TLE6: variants seen among roughly 807,000 people sequenced by gnomAD.
TLE6 encodes the protein TLE family member 6, subcortical maternal complex member.
In TLE6, 72 loss-of-function variants were observed where a neutral mutation model predicts 77.1. The ratio of observed to expected loss-of-function variants is 0.93; its 90% CI spans 0.77 to 1.14. The LOEUF (loss-of-function observed/expected upper bound fraction) is 1.14. TLE6 is among the 50% of genes most tolerant of loss of function. The pLI is 0.00. For synonymous variants in TLE6, 366 were observed against 287.3 expected (o/e 1.27, Z -2.77); for missense variants, 843 against 747.6 (o/e 1.13, Z -1.49).
chr19:2,987,353 C>T lies in TLE6; in HGVS notation c.542-3C>T. On this transcript the variant is annotated splice_polypyrimidine_tract_variant and splice_region_variant and intron_variant, in intron 7 of 16. Transcript: ENST00000246112. ...CTCCTCCTCTCCGTTGTCATGGTGA[C>T]AGAGCAGGCACCAGGCCTGGTGAGT... 4 of 1,614,114 alleles carry T rather than the reference C, an allele frequency of 2.5e-6. No individual in the cohort carries two copies. The highest frequency in any genetic ancestry group is 3.4e-6 in the Non-Finnish European group (4 of 1,180,034).
At chr19:2,985,371 C>G (rs2088884731) in intron 5 of TLE6, among the ~76,000 whole-genome samples, 1 of 146,990 alleles carries the variant, frequency 6.8e-6, no homozygotes, top group East Asian at 2.0e-4. Flanking sequence ...CTAGGGAGAC[C>G]TAGGTATGCT....
At chr19:2,991,071 A>G (rs2089044269) in intron 13 of TLE6, among the ~76,000 whole-genome samples, 1 of 149,572 alleles carries the variant, frequency 6.7e-6, no homozygotes, top group African/African-American at 2.5e-5. Flanking sequence ...CATATTAAAT[A>G]TATGTAAATA....
In TLE6 at chr19:2,987,258, A is replaced by AGG; in HGVS notation, c.541+24_541+25dup. 1 of 1,613,998 alleles carries AGG rather than the reference A, an allele frequency of 6.2e-7. No individual in the cohort carries two copies. Among genetic ancestry groups the AGG allele is most frequent in the Admixed American group, 1.7e-5 (1 of 60,014 alleles). ...ACAGACGTGAGTGTCCCTGAGGGTG[A>AGG]GGGGGAAGGGGCAGCCACAGGCTGC... On this transcript the variant is annotated intron_variant, in intron 7 of 16. Coordinates refer to ENST00000246112, the MANE Select transcript of TLE6 (RefSeq NM_001143986.2).
intron 14 of TLE6, 47 bp from the exon 15 acceptor site, chr19:2,993,385 G>C: frequency 1.3e-6 from 2 of 1,559,356 alleles, no homozygotes; most frequent in Non-Finnish European, 1.7e-6. Context: ...TCCTGGGCCA[G>C]GCTGGGACCT....
chr19:2,994,862 G>A (rs1454179306), intron 16 of TLE6, 38 bp from the exon 17 acceptor site: 1 of 1,291,320 alleles, frequency 7.7e-7, no homozygotes, highest in Non-Finnish European at 1.1e-6. Context: ...GGGTGTGTGA[G>A]CCCTACCCCA....
At chr19:2,986,737 C>A in intron 5 of TLE6, 92 bp from the exon 6 acceptor site, 4 of 1,274,944 alleles carry the variant, frequency 3.1e-6, no homozygotes, top group Non-Finnish European at 4.4e-6. Flanking sequence ...GATTGATATA[C>A]CTTCTTCTAC....
rs148569064 is a variant in TLE6, at chr19:2,989,835, G to A, written c.1244+50G>A. On this transcript the variant is annotated intron_variant, in intron 13 of 16. Transcript: ENST00000246112. ...AAGCATCCTGTGCCAGCCTCCTGTG[G>A]CCACCTCTGCCCACCTTACTGCTAC... 5.6e-5 allele frequency: 89 copies of A among 1,599,268 alleles called. 1 individual carries two copies. In the African/African-American group the frequency reaches 8.0e-4, roughly 14 times the overall value.
At position 2,995,059 on chromosome 19, in the gene TLE6, C is replaced by CCG. The variant is rs972650169; in HGVS notation, c.*56_*57insGC. On this transcript the variant is annotated 3_prime_UTR_variant, in exon 17 of 17. Transcript: ENST00000246112. Reference sequence around the variant, plus strand: ...CTCCTCTTTTCATCCCCCCCCTTCCCCCCCCCCAACAAGGGGGACATGGTG... The same window carrying CCG: ...CTCCTCTTTTCATCCCCCCCCTTCCCCGCCCCCCCAACAAGGGGGACATGGTG... The CCG allele has an allele frequency of 9.4e-5, 96 of 1,024,560 alleles. No individual in the cohort carries two copies. In the Admixed American group the frequency reaches 1.9e-3, roughly 20 times the overall value. 63.5% of individuals were successfully genotyped at this position (1,024,560 alleles called of 1,614,324 possible). A position where few individuals can be genotyped will look rare whatever the true frequency, so the allele number is the denominator to read the frequency against.
chr19:2,983,347 A>C (rs1007327403), intron 5 of TLE6, among the ~76,000 whole-genome samples: 1 of 152,044 alleles, frequency 6.6e-6, no homozygotes. Flanking sequence ...AGGGCTGGGC[A>C]AGGCGGGGGA....
chr19:2,980,954 G>C (rs1004561526), intron 3 of TLE6, among the ~76,000 whole-genome samples: 6 of 151,976 alleles, frequency 3.9e-5, no homozygotes, highest in Admixed American at 3.9e-4. Context: ...AGGAGACTGA[G>C]GCAGGAGGAT....
intron 5 of TLE6, among the ~76,000 whole-genome samples, chr19:2,985,399 CT>C (rs1158204473): frequency 0.077 from 6,950 of 89,704 alleles, 97 homozygotes; most frequent in African/African-American, 0.1. Context: ...TGCTTGAAGC[CT>C]TTTTTTTTTT....
Position 2,995,102 on chromosome 19 carries a change from T to G in TLE6, c.*98T>G. ...ACATGGTGGAGGGAAGCGGGAAGGC[T>G]CTTCTGTGGCATCGCACGATCTAGT... is the stretch of plus-strand genomic sequence containing the variant. On this transcript the variant is annotated 3_prime_UTR_variant, in exon 17 of 17. Transcript: ENST00000246112. 1 of 773,504 alleles carries G rather than the reference T, an allele frequency of 1.3e-6. No homozygotes were observed. The highest frequency in any genetic ancestry group is 2.1e-6 in the Non-Finnish European group (1 of 475,466). The allele number at this position is 773,504 out of a possible 1,614,324, so 47.9% of individuals were successfully genotyped here.
intron 14 of TLE6, among the ~76,000 whole-genome samples, chr19:2,992,289 A>G (rs1208002173): frequency 4.6e-5 from 7 of 151,848 alleles, no homozygotes; most frequent in African/African-American, 1.7e-4. Flanking sequence ...CCTGACCAAC[A>G]TGGTGAAACC....
At chr19:2,994,429 T>A (rs1357089833) in intron 16 of TLE6, among the ~76,000 whole-genome samples, 1 of 151,944 alleles carries the variant, frequency 6.6e-6, no homozygotes, top group Non-Finnish European at 1.5e-5. Context: ...GCTAACACGG[T>A]GAATCCCTGT....
At chr19:2,994,603 C>A (rs1257464901) in intron 16 of TLE6, among the ~76,000 whole-genome samples, 3 of 119,002 alleles carry the variant, frequency 2.5e-5, no homozygotes, top group African/African-American at 8.0e-5. Flanking sequence ...GAGACTCCAT[C>A]TAAAAAAATA....
In TLE6 at chr19:2,995,028, C is replaced by T; in HGVS notation, c.*24C>T. ...GAGGGGCCTCGCTGCTGTCATCCCA[C>T]TCCGGCTCCTCTTTTCATCCCCCCC... On this transcript the variant is annotated 3_prime_UTR_variant, in exon 17 of 17. Coordinates refer to ENST00000246112, the MANE Select transcript of TLE6 (RefSeq NM_001143986.2). The T allele has an allele frequency of 6.9e-7, 1 of 1,444,328 alleles. No individual in the cohort carries two copies. Among genetic ancestry groups the T allele is most frequent in the Non-Finnish European group, 9.5e-7 (1 of 1,054,692 alleles). The allele number at this position is 1,444,328 out of a possible 1,614,324, so 89.5% of individuals were successfully genotyped here. A position where few individuals can be genotyped will look rare whatever the true frequency, so the allele number is the denominator to read the frequency against.
intron 5 of TLE6, among the ~76,000 whole-genome samples, chr19:2,985,040 C>T (rs1476290723): frequency 6.6e-6 from 1 of 151,530 alleles, no homozygotes; most frequent in Non-Finnish European, 1.5e-5. Context: ...CACCTGACGT[C>T]AGGAGTTCGA....
chr19:2,990,512 G>C (rs112859895), intron 13 of TLE6, among the ~76,000 whole-genome samples: 3 of 150,720 alleles, frequency 2.0e-5, no homozygotes, highest in Admixed American at 6.6e-5. Context: ...GCTGAGGCAG[G>C]AGAATCCCTT....
chr19:2,988,367 C>T (rs1280742039), intron 11 of TLE6, among the ~76,000 whole-genome samples: 3 of 152,004 alleles, frequency 2.0e-5, no homozygotes, highest in African/African-American at 7.2e-5. Context: ...GAGGCCGAGG[C>T]GGGCAGATCA....
Sources: gnomAD v4.1 joint callset for allele counts (sites outside exome capture counted in the v4.1 genomes callset) on GRCh38, gnomAD v4.1.1 for gene constraint, MANE v1.5 for transcripts, NCBI Gene and HGNC (gene_info 2026-07-23, HGNC 2026-07-21) for gene names.